HDAC8: variants seen among roughly 807,000 people sequenced by gnomAD.
HDAC8 encodes the protein histone deacetylase-like 1.
A neutral mutation model predicts 32.2 loss-of-function variants in HDAC8; 1 was observed. That is an observed-to-expected ratio of 0.03 (90% CI 0.01 to 0.15). HDAC8 has a LOEUF of 0.15. HDAC8 is among the 10% of genes least tolerant of loss of function. The probability of loss-of-function intolerance (pLI) is 1.00; values close to 1 mark genes in which losing one functional copy is unlikely to be tolerated. For missense variants in HDAC8, 117 were observed against 300.0 expected (o/e 0.39, Z 4.51); for synonymous variants, 108 against 113.9 (o/e 0.95, Z 0.33).
intron 10 of HDAC8, among the ~76,000 whole-genome samples, chrX:72,339,408 G>A (rs910760693): frequency 8.9e-6 from 1 of 112,595 alleles, no homozygotes; most frequent in Middle Eastern, 4.6e-3. Context: ...GTCCACAGCA[G>A]CAAGGTGATA....
intron 9 of HDAC8, among the ~76,000 whole-genome samples, chrX:72,428,180 G>A (rs782756839): frequency 4.5e-5 from 5 of 111,842 alleles, no homozygotes; most frequent in African/African-American, 1.6e-4. Flanking sequence ...TGCAACCTCC[G>A]CCTCCCAGGT....
chrX:72,498,420 T>A (rs1556014433), intron 4 of HDAC8, among the ~76,000 whole-genome samples: 1 of 111,871 alleles, frequency 8.9e-6, no homozygotes, highest in African/African-American at 3.2e-5. Flanking sequence ...TATGTCAGAA[T>A]CCTGATGCTG....
intron 9 of HDAC8, among the ~76,000 whole-genome samples, chrX:72,458,224 T>C (rs2047773509): frequency 8.9e-6 from 1 of 112,903 alleles, no homozygotes; most frequent in Non-Finnish European, 1.9e-5. Flanking sequence ...CTTTCCCAGC[T>C]GGGACTGCTT....
At chrX:72,538,521 T>C (rs1556040748) in intron 4 of HDAC8, among the ~76,000 whole-genome samples, 1 of 111,418 alleles carries the variant, frequency 9.0e-6, no homozygotes, top group Non-Finnish European at 1.9e-5. Context: ...ACTGAAAAAT[T>C]AGGACTCTTA....
chrX:72,386,789 C>G (rs781840289), intron 9 of HDAC8, among the ~76,000 whole-genome samples: 3 of 111,523 alleles, frequency 2.7e-5, no homozygotes, highest in Non-Finnish European at 3.8e-5. Flanking sequence ...CTTCAGGAAC[C>G]CTATCTTTAC....
At chrX:72,542,784 T>C (rs1214182112) in intron 4 of HDAC8, among the ~76,000 whole-genome samples, 4 of 112,374 alleles carry the variant, frequency 3.6e-5, no homozygotes, top group Non-Finnish European at 5.6e-5. Context: ...ATTTTTGGCA[T>C]GGGCAGATGA....
At chrX:72,475,742 G>C (rs1261765710) in intron 7 of HDAC8, among the ~76,000 whole-genome samples, 1 of 108,983 alleles carries the variant, frequency 9.2e-6, no homozygotes, top group Non-Finnish European at 1.9e-5. Flanking sequence ...AGCTGTACTG[G>C]TTCCATGAAC....
intron 9 of HDAC8, among the ~76,000 whole-genome samples, chrX:72,438,729 C>T (rs782578048): frequency 5.4e-5 from 6 of 110,424 alleles, no homozygotes; most frequent in Non-Finnish European, 7.6e-5. Context: ...TGAAGATCAA[C>T]TTAATGAAAT....
At chrX:72,380,638 T>C (rs1181995307) in intron 9 of HDAC8, among the ~76,000 whole-genome samples, 1 of 111,918 alleles carries the variant, frequency 8.9e-6, no homozygotes, top group African/African-American at 3.3e-5. Context: ...AGAAATCATA[T>C]GGTCTGAAAA....
At chrX:72,497,801 C>G (rs962583385) in intron 4 of HDAC8, among the ~76,000 whole-genome samples, 1 of 111,373 alleles carries the variant, frequency 9.0e-6, no homozygotes, top group Non-Finnish European at 1.9e-5. Context: ...AAACTTTGAG[C>G]TGATACTAAA....
At chrX:72,353,088 T>C (rs1194242755) in intron 9 of HDAC8, among the ~76,000 whole-genome samples, 1 of 112,073 alleles carries the variant, frequency 8.9e-6, no homozygotes, top group Non-Finnish European at 1.9e-5. Flanking sequence ...GTCATGACTT[T>C]GATGCCATTC....
chrX:72,335,172 A>G (rs1026625434), intron 10 of HDAC8, among the ~76,000 whole-genome samples: 6 of 112,400 alleles, frequency 5.3e-5, no homozygotes, highest in Non-Finnish European at 1.1e-4. Context: ...ATAGTTAGTG[A>G]ATGGATACTG....
At chrX:72,384,639 AG>A (rs1434989138) in intron 9 of HDAC8, among the ~76,000 whole-genome samples, 16 of 112,353 alleles carry the variant, frequency 1.4e-4, no homozygotes, top group Middle Eastern at 4.6e-3. Context: ...AATTGCAAAA[AG>A]TCTGTTACAT....
intron 9 of HDAC8, among the ~76,000 whole-genome samples, chrX:72,433,147 G>A (rs1005591225): frequency 1.8e-5 from 2 of 111,430 alleles, no homozygotes; most frequent in Non-Finnish European, 3.8e-5. Flanking sequence ...TAAACCAGTT[G>A]TTCTCAACAG....
At chrX:72,450,356 T>C (rs781974543) in intron 9 of HDAC8, among the ~76,000 whole-genome samples, 1 of 112,018 alleles carries the variant, frequency 8.9e-6, no homozygotes, top group Admixed American at 9.5e-5. Context: ...GTTACATCAA[T>C]CTATACATAT....
intron 7 of HDAC8, among the ~76,000 whole-genome samples, chrX:72,468,397 G>T (rs2048078707): frequency 9.0e-6 from 1 of 110,987 alleles, no homozygotes; most frequent in South Asian, 3.9e-4. Flanking sequence ...GAGTAGGAGT[G>T]GAGCATCAAA....
intron 9 of HDAC8, among the ~76,000 whole-genome samples, chrX:72,412,056 G>A (rs1219666368): frequency 8.9e-6 from 1 of 112,352 alleles, no homozygotes; most frequent in Non-Finnish European, 1.9e-5. Context: ...GGCTCTGGGT[G>A]TTCAGAGGAA....
Position 72,429,049 on chromosome X carries a change from T to C in HDAC8, c.1005+32955A>G, listed in dbSNP as rs141656251. Among the ~76,000 whole-genome samples the C allele has an allele frequency of 5.6e-3, 591 of 106,009 alleles. 6 individuals carry two copies. The highest frequency in any genetic ancestry group is 0.02 in the African/African-American group (564 of 28,782). 92.1% of individuals were successfully genotyped at this position (106,009 alleles called of 115,157 possible). A position where few individuals can be genotyped will look rare whatever the true frequency, so the allele number is the denominator to read the frequency against. ...TTTTTTTTTTTTTGCTTCTTTTCCA[T>C]GCATTCTGCTAATTTCCTTTGAAGA... On this transcript the variant is annotated intron_variant, in intron 9 of 10. Coordinates refer to ENST00000373573, the MANE Select transcript of HDAC8 (RefSeq NM_018486.3).
chrX:72,356,633 G>A (rs1410902723), intron 9 of HDAC8, among the ~76,000 whole-genome samples: 11 of 109,864 alleles, frequency 1.0e-4, no homozygotes, highest in African/African-American at 3.7e-4. Context: ...GGAGTTCAGT[G>A]TCGTGATCTC....
Sources: allele counts gnomAD v4.1 joint callset (sites outside exome capture counted in the v4.1 genomes callset), GRCh38; gene constraint gnomAD v4.1.1; transcripts MANE v1.5; gene names NCBI Gene and HGNC (gene_info 2026-07-23, HGNC 2026-07-21).